Variants in SENP6 observed in about 807,000 individuals in gnomAD.
The protein encoded by SENP6 is sentrin-specific protease 6.
A neutral mutation model predicts 134.5 loss-of-function variants in SENP6; 41 were observed. That is an observed-to-expected ratio of 0.30 (90% CI 0.24 to 0.40). SENP6 has a LOEUF of 0.40. Ranked by LOEUF, SENP6 falls within the 10% of genes least tolerant of loss-of-function variation. The probability of loss-of-function intolerance (pLI) is 1.00; values close to 1 mark genes in which losing one functional copy is unlikely to be tolerated. For synonymous variants in SENP6, 395 were observed against 429.8 expected (o/e 0.92, Z 1.00); for missense variants, 1,248 against 1,312.5 (o/e 0.95, Z 0.76).
chr6:75,695,100 T>TC (rs1774564312), intron 16 of SENP6, among the ~76,000 whole-genome samples: 1 of 152,092 alleles, frequency 6.6e-6, no homozygotes, highest in African/African-American at 2.4e-5. Flanking sequence ...GGTCTTGAGC[T>TC]CCCAACCTCA....
At position 75,711,393 on chromosome 6, in the gene SENP6, T is replaced by C; in HGVS notation, c.2886T>C (p.His962=). Residue 962 remains histidine, a synonymous_variant, in exon 21 of 24, where the codon CAT becomes CAC. Coordinates refer to ENST00000447266, the MANE Select transcript of SENP6 (RefSeq NM_015571.4). ...GCAGTTCAGAAATAGGACAGTGGCATTTAAAGCCTACTATCTGTAAACAGT... is the reference window on the plus strand; with the variant it reads ...GCAGTTCAGAAATAGGACAGTGGCACTTAAAGCCTACTATCTGTAAACAGT... ...DNCSSEIGQW[H]LKPTICKQPC... is the part of the protein sequence containing the mutation. The C allele has an allele frequency of 6.2e-7, 1 of 1,612,112 alleles. No individual in the cohort carries two copies. Among genetic ancestry groups the C allele is most frequent in the South Asian group, 1.1e-5 (1 of 90,804 alleles).
At chr6:75,618,376 G>A (rs748626077) in intron 1 of SENP6, among the ~76,000 whole-genome samples, 7 of 152,042 alleles carry the variant, frequency 4.6e-5, no homozygotes, top group African/African-American at 1.2e-4. Flanking sequence ...AACTTTGGCC[G>A]TTGGGAATTC....
intron 18 of SENP6, among the ~76,000 whole-genome samples, chr6:75,699,538 A>G (rs1476032233): frequency 6.6e-6 from 1 of 151,084 alleles, no homozygotes; most frequent in African/African-American, 2.4e-5. Context: ...CTCAGGCTGG[A>G]ATGTAGTAGC....
At chr6:75,604,570 T>C (rs1263980524) in intron 1 of SENP6, among the ~76,000 whole-genome samples, 1 of 150,714 alleles carries the variant, frequency 6.6e-6, no homozygotes, top group Non-Finnish European at 1.5e-5. Context: ...AGGCAGAGGT[T>C]GCAGTGATAG....
At chr6:75,666,038 A>G (rs890650499) in intron 9 of SENP6, among the ~76,000 whole-genome samples, 26 of 146,410 alleles carry the variant, frequency 1.8e-4, no homozygotes, top group Admixed American at 8.4e-4. Context: ...ATATATATAT[A>G]TTTTATATAT....
intron 1 of SENP6, among the ~76,000 whole-genome samples, chr6:75,618,424 G>A (rs1235336599): frequency 6.6e-6 from 1 of 151,914 alleles, no homozygotes; most frequent in Non-Finnish European, 1.5e-5. Flanking sequence ...ACATGCCCCT[G>A]TCTTTAAAAA....
intron 1 of SENP6, among the ~76,000 whole-genome samples, chr6:75,621,175 A>C (rs1582685442): frequency 6.6e-6 from 1 of 152,336 alleles, no homozygotes; most frequent in East Asian, 1.9e-4. Context: ...TCTCATGAAG[A>C]AGGCAAGCAA....
intron 1 of SENP6, among the ~76,000 whole-genome samples, chr6:75,606,681 G>A (rs1767053037): frequency 6.6e-6 from 1 of 152,122 alleles, no homozygotes. Context: ...AGAATTTGAA[G>A]CAACATGACC....
Position 75,675,991 on chromosome 6 carries a change from C to G in SENP6, c.1558C>G (p.Gln520Glu). 6.2e-7 allele frequency: 1 copy of G among 1,611,664 alleles called. No homozygotes were observed. The highest frequency in any genetic ancestry group is 8.5e-7 in the Non-Finnish European group (1 of 1,179,028). The part of the protein sequence containing the change: ...IPAVYQKLSI[Q>E]LQMNKEDKVW... ...AGCAGTTTATCAAAAGCTGAGCATC[C>G]AACTGCAAATGAATAAGGAGGATAA... Residue 520 changes from glutamine to glutamate, a missense_variant, in exon 13 of 24, where the codon CAA (glutamine) becomes GAA (glutamate). Gln to Glu is a conservative substitution (Grantham distance 29). Coordinates refer to ENST00000447266, the MANE Select transcript of SENP6 (RefSeq NM_015571.4).
rs1429433135 is a variant in SENP6, at chr6:75,621,593, TGAA to T, written c.121_123del (p.Glu41del). 2.5e-6 allele frequency: 4 copies of T among 1,611,122 alleles called. No homozygotes were observed. Among genetic ancestry groups the T allele is most frequent in the Non-Finnish European group, 3.4e-6 (4 of 1,177,818 alleles). ...TTAAAAATAATTGGAGCTTTGATCA[TGAA>T]GAAGAAAGTGAAGGAGATACAGATA... On this transcript the variant is annotated inframe_deletion, in exon 2 of 24. Coordinates refer to ENST00000447266, the MANE Select transcript of SENP6 (RefSeq NM_015571.4).
rs749939916 is a variant in SENP6 at position 75,633,624 on chromosome 6, T to G, written c.251T>G (p.Phe84Cys). The G allele has an allele frequency of 6.2e-7, 1 of 1,608,642 alleles. No homozygotes were observed. Among genetic ancestry groups the G allele is most frequent in the East Asian group, 2.2e-5 (1 of 44,736 alleles). ...ATTGTTGCTAATAGCTCTGGTGAAT[T>G]CATCTTGAAGACATATGTAAGACGA... The part of the protein sequence containing the change: ...SEIVANSSGE[F>C]ILKTYVRRNK... Residue 84 changes from phenylalanine (F) to cysteine (C), a missense_variant, in exon 4 of 24, where the codon TTC becomes TGC. Physicochemically the swap from Phe to Cys is radical, Grantham distance 205 (BLOSUM62 -2). Transcript: ENST00000447266.
intron 7 of SENP6, among the ~76,000 whole-genome samples, chr6:75,650,697 TTAGG>T (rs1181675143): frequency 1.3e-5 from 2 of 152,178 alleles, no homozygotes; most frequent in African/African-American, 2.4e-5. Flanking sequence ...TTCTTTTGTG[TTAGG>T]TAGGTACATG....
intron 8 of SENP6, among the ~76,000 whole-genome samples, chr6:75,660,119 TTTG>T (rs1419911352): frequency 2.0e-5 from 3 of 152,194 alleles, no homozygotes; most frequent in Non-Finnish European, 4.4e-5. Flanking sequence ...AATCTTGGCA[TTTG>T]TTGAGGAGTA....
intron 7 of SENP6, among the ~76,000 whole-genome samples, chr6:75,655,994 C>T (rs964887217): frequency 1.3e-5 from 2 of 151,944 alleles, no homozygotes; most frequent in African/African-American, 2.4e-5. Flanking sequence ...GTGGGTGGAT[C>T]ACCTGAAGCC....
At chr6:75,711,198 T>G in intron 20 of SENP6, 130 bp from the exon 21 acceptor site, 1 of 581,416 alleles carries the variant, frequency 1.7e-6, no homozygotes, top group South Asian at 2.7e-5. Context: ...CTCTAGTGTC[T>G]AATCACCTAA....
chr6:75,652,698 A>AAAAG (rs1554166655), intron 7 of SENP6, among the ~76,000 whole-genome samples: 35 of 148,622 alleles, frequency 2.4e-4, no homozygotes, highest in African/African-American at 8.4e-4. Flanking sequence ...AAAAAAAAAA[A>AAAAG]AAAAAGAAAA....
chr6:75,664,851 A>C (rs954066719), intron 9 of SENP6, among the ~76,000 whole-genome samples: 3 of 152,222 alleles, frequency 2.0e-5, no homozygotes, highest in African/African-American at 7.2e-5. Flanking sequence ...TATAGCAGTG[A>C]ATAAGACACT....
At chr6:75,662,618 G>T (rs534225802) in intron 8 of SENP6, among the ~76,000 whole-genome samples, 1 of 152,078 alleles carries the variant, frequency 6.6e-6, no homozygotes, top group Non-Finnish European at 1.5e-5. Flanking sequence ...TCAGCATAGT[G>T]TATCTGCATT....
chr6:75,629,349 A>G (rs1169227875), intron 3 of SENP6, among the ~76,000 whole-genome samples: 2 of 151,980 alleles, frequency 1.3e-5, no homozygotes, highest in East Asian at 3.9e-4. Flanking sequence ...CCCAGGCAGG[A>G]GTGCAGTGGC....
Sources: allele counts gnomAD v4.1 joint callset (sites outside exome capture counted in the v4.1 genomes callset), GRCh38; gene constraint gnomAD v4.1.1; transcripts MANE v1.5; gene names NCBI Gene and HGNC (gene_info 2026-07-23, HGNC 2026-07-21).